RIPOR3: variants seen among roughly 807,000 people sequenced by gnomAD.
RIPOR3 encodes the protein family with sequence similarity 65 member C.
RIPOR3 carries 95 observed loss-of-function variants against 114.3 expected under a neutral mutation model. The observed-to-expected ratio is 0.83, with a 90% confidence interval of 0.70 to 0.99. The LOEUF is 0.99. Ranked by LOEUF, RIPOR3 falls within the 50% of genes least tolerant of loss-of-function variation. The probability of loss-of-function intolerance (pLI) is 0.00; values close to 1 mark genes in which losing one functional copy is unlikely to be tolerated. For synonymous variants in RIPOR3, 575 were observed against 543.8 expected, an observed-to-expected ratio of 1.06 and a Z score of -0.80; for missense variants, 1,252 against 1,266.9, an observed-to-expected ratio of 0.99 and a Z score of 0.18.
intron 12 of RIPOR3, among the ~76,000 whole-genome samples, chr20:50,604,128 T>G (rs944507942): frequency 2.0e-5 from 3 of 148,028 alleles, no homozygotes; most frequent in African/African-American, 7.5e-5. Flanking sequence ...GAGGTTGCAG[T>G]GAGCTGACAT....
intron 16 of RIPOR3, 185 bp from the exon 17 acceptor site, chr20:50,594,899 G>T: frequency 1.7e-6 from 1 of 605,912 alleles, no homozygotes. Flanking sequence ...CATCTTACCA[G>T]GGCCACCACC....
chr20:50,671,123 G>A (rs1011327314), intron 1 of RIPOR3, among the ~76,000 whole-genome samples: 1 of 151,948 alleles, frequency 6.6e-6, no homozygotes, highest in Admixed American at 6.6e-5. Context: ...TTTAGGATTT[G>A]TTTTAGTTGT....
intron 11 of RIPOR3, 28 bp downstream of exon 11, chr20:50,608,361 C>G (rs75465585): frequency 1.2e-6 from 2 of 1,612,858 alleles, no homozygotes; most frequent in Non-Finnish European, 1.7e-6. Context: ...GCCAGGCCTC[C>G]GCTCTCCCCA....
At chr20:50,645,141 C>T (rs2085356968) in intron 1 of RIPOR3, among the ~76,000 whole-genome samples, 1 of 152,136 alleles carries the variant, frequency 6.6e-6, no homozygotes, top group Non-Finnish European at 1.5e-5. Context: ...TGCGCCTGGC[C>T]CCCATTTCTT....
chr20:50,669,307 T>C (rs535162320), intron 1 of RIPOR3, among the ~76,000 whole-genome samples: 13 of 152,316 alleles, frequency 8.5e-5, no homozygotes, highest in Middle Eastern at 3.4e-3. Flanking sequence ...TCATTACTCA[T>C]AGGCTTTCTC....
At chr20:50,677,051 C>G (rs1212438329) in intron 1 of RIPOR3, among the ~76,000 whole-genome samples, 1 of 152,190 alleles carries the variant, frequency 6.6e-6, no homozygotes, top group Non-Finnish European at 1.5e-5. Flanking sequence ...AAATGCAAAG[C>G]AATATGTGCC....
intron 1 of RIPOR3, among the ~76,000 whole-genome samples, chr20:50,632,870 G>A (rs895675439): frequency 9.9e-5 from 15 of 152,166 alleles, no homozygotes; most frequent in African/African-American, 3.4e-4. Flanking sequence ...TCTTACCTGC[G>A]GTCAGGAGAG....
intron 6 of RIPOR3, among the ~76,000 whole-genome samples, chr20:50,610,016 G>GCCACCCCTA (rs2083904398): frequency 8.6e-6 from 1 of 115,906 alleles, no homozygotes; most frequent in Non-Finnish European, 1.9e-5. Flanking sequence ...TGCCTCACCT[G>GCCACCCCTA]CCACCCCTGC....
chr20:50,615,914 C>T (rs148203744), intron 4 of RIPOR3, 88 bp downstream of exon 4: 43 of 1,280,644 alleles, frequency 3.4e-5, no homozygotes, highest in East Asian at 7.6e-5. Flanking sequence ...AGAGTCACAC[C>T]GTGACATAGG....
chr20:50,627,445 G>A (rs2084661003), intron 2 of RIPOR3, among the ~76,000 whole-genome samples: 1 of 150,254 alleles, frequency 6.7e-6, no homozygotes, highest in Admixed American at 6.6e-5. Context: ...AGGAGGCGGA[G>A]GTTGCAGTGA....
At chr20:50,654,432 T>TG (rs1412069827) in intron 1 of RIPOR3, among the ~76,000 whole-genome samples, 7 of 132,842 alleles carry the variant, frequency 5.3e-5, no homozygotes, top group East Asian at 2.2e-4. Context: ...GTTTTTTTTT[T>TG]TTTTTTTTTT....
At chr20:50,649,818 G>A (rs2123390138) in intron 1 of RIPOR3, among the ~76,000 whole-genome samples, 1 of 152,318 alleles carries the variant, frequency 6.6e-6, no homozygotes, top group South Asian at 2.1e-4. Context: ...GGACGGTAAT[G>A]AGGTTTGAGG....
rs573801736 is a variant in RIPOR3 at position 50,666,583 on chromosome 20, G to C, written c.3+24543C>G. Among the ~76,000 whole-genome samples, 9 of 150,692 alleles carry C rather than the reference G, an allele frequency of 6.0e-5. No individual in the cohort carries two copies. The South Asian group carries it at 1.3e-3, about 21-fold the overall frequency. Reference sequence around the variant, plus strand: ...TTTTGTTGTTGTTTGTTGTTTTTTTGAGACGGCGTCTCACTCTGTTGCCTA... The same window carrying C: ...TTTTGTTGTTGTTTGTTGTTTTTTTCAGACGGCGTCTCACTCTGTTGCCTA... On this transcript the variant is annotated intron_variant, in intron 1 of 21. Coordinates refer to ENST00000327979, the MANE Select transcript of RIPOR3 (RefSeq NM_001290268.2).
At chr20:50,609,821 T>A (rs1480980131) in intron 6 of RIPOR3, 99 bp from the exon 7 acceptor site, 1 of 1,306,006 alleles carries the variant, frequency 7.7e-7, no homozygotes, top group African/African-American at 1.6e-5. Context: ...CTCCCTGAGC[T>A]AAGCACCCCG....
chr20:50,667,723 C>T (rs1366082016), intron 1 of RIPOR3, among the ~76,000 whole-genome samples: 1 of 152,164 alleles, frequency 6.6e-6, no homozygotes, highest in Non-Finnish European at 1.5e-5. Flanking sequence ...GCCCTTGAAG[C>T]TTTTCCTAGA....
At chr20:50,625,280 C>A (rs2084577055) in intron 2 of RIPOR3, among the ~76,000 whole-genome samples, 1 of 152,192 alleles carries the variant, frequency 6.6e-6, no homozygotes, top group African/African-American at 2.4e-5. Context: ...CCATGTTGCC[C>A]AGGCTGGTCT....
At chr20:50,592,104 C>T (rs140205383) in intron 19 of RIPOR3, among the ~76,000 whole-genome samples, 14 of 152,288 alleles carry the variant, frequency 9.2e-5, no homozygotes, top group South Asian at 2.1e-4. Context: ...AGACAAAAAA[C>T]GCACTAAGAA....
In RIPOR3 at chr20:50,630,830, C is replaced by A; in HGVS notation, c.30G>T (p.Arg10=). 1.2e-6 allele frequency: 2 copies of A among 1,608,170 alleles called. No homozygotes were observed. The highest frequency in any genetic ancestry group is 1.3e-5 in the African/African-American group (1 of 74,886). The change falls in exon 2 of 22, where the codon CGG becomes CGT. Residue 10 remains arginine (R), a synonymous_variant. Transcript: ENST00000327979. ...CCCCTGTGTCCCCAGGGGACAGGAA[C>A]CGCAACCTCACCGACATGGTGGTCA... MVTTMSVRL[R]FLSPGDTGAV...
chr20:50,617,907 G>A lies in RIPOR3; in HGVS notation c.270-1827C>T, dbSNP rs151078298. On this transcript the variant is annotated intron_variant, in intron 3 of 21. Coordinates refer to ENST00000327979, the MANE Select transcript of RIPOR3 (RefSeq NM_001290268.2). ...AAAGTGCTAAGATTACAGGCCCACT[G>A]CGTCTGGCCTGGTTTCAACTTTTAC... 5.4e-3 allele frequency among the ~76,000 whole-genome samples: 828 copies of A among 152,060 alleles called. 7 individuals carry two copies. Among genetic ancestry groups the A allele is most frequent in the African/African-American group, 0.019 (799 of 41,518 alleles).
Sources: allele counts gnomAD v4.1 joint callset (sites outside exome capture counted in the v4.1 genomes callset), GRCh38; gene constraint gnomAD v4.1.1; transcripts MANE v1.5; gene names NCBI Gene and HGNC (gene_info 2026-07-23, HGNC 2026-07-21).